The following DCTN4 variants were observed in gnomAD, a reference collection of about 807,000 sequenced individuals.
DCTN4 encodes the protein dynactin 4 (p62).
In DCTN4, 23 loss-of-function variants were observed where a neutral mutation model predicts 62.7. The observed-to-expected ratio is 0.37, with a 90% CI of 0.26 to 0.52. DCTN4 has a LOEUF of 0.52. Among genes scored for constraint, DCTN4 ranks in the 20% least tolerant of loss-of-function variants. The pLI is 0.92. For missense variants in DCTN4, 514 were observed against 580.4 expected (o/e 0.89, Z 1.18); for synonymous variants, 199 against 202.1 (o/e 0.98, Z 0.13).
intron 9 of DCTN4, among the ~76,000 whole-genome samples, chr5:150,721,193 CT>C (rs538835927): frequency 1.1e-3 from 172 of 152,300 alleles, no homozygotes; most frequent in Non-Finnish European, 2.1e-3. Context: ...ACTTCCCAAC[CT>C]TTTTGTTTCC....
rs988052060 is a variant in DCTN4 at position 150,729,105 on chromosome 5, G to A, written c.834+1526C>T. ...AGACAGGGTCTCACTATGTTGCCTA[G>A]GCTGATCTCAAACTCCTGGGCTCAA... is the stretch of plus-strand genomic sequence containing the variant. On this transcript the variant is annotated intron_variant, in intron 8 of 12. Coordinates refer to ENST00000447998, the MANE Select transcript of DCTN4 (RefSeq NM_016221.4). Among the ~76,000 whole-genome samples, 4 of 124,616 alleles carry A rather than the reference G, an allele frequency of 3.2e-5. No individual in the cohort carries two copies. The Admixed American group carries it at 4.2e-4, about 13-fold the overall frequency. The allele number at this position is 124,616 out of a possible 152,430, so 81.8% of individuals were successfully genotyped here.
Position 150,731,192 on chromosome 5 carries a change from A to G in DCTN4, c.612-36T>C, listed in dbSNP as rs200122349. ...AAAAAAACAAAACAAAACAAAACAA[A>G]AGAGTAATTTCTCACGGATCCACCT... On this transcript the variant is annotated intron_variant, in intron 6 of 12. Transcript: ENST00000447998. 5.0e-6 allele frequency: 7 copies of G among 1,405,080 alleles called. No individual in the cohort carries two copies. In the Admixed American group the frequency reaches 1.0e-4, roughly 21 times the overall value. 87.0% of individuals were successfully genotyped at this position (1,405,080 alleles called of 1,614,324 possible).
chr5:150,729,080 A>T, intron 8 of DCTN4, among the ~76,000 whole-genome samples: 1 of 81,024 alleles, frequency 1.2e-5, no homozygotes, highest in Non-Finnish European at 2.0e-5. Flanking sequence ...TTTTTGGTAG[A>T]GACAGGGTCT....
At chr5:150,736,981 A>C (rs897163428) in intron 4 of DCTN4, among the ~76,000 whole-genome samples, 1 of 152,202 alleles carries the variant, frequency 6.6e-6, no homozygotes, top group Non-Finnish European at 1.5e-5. Context: ...ATATCAGACA[A>C]AACAGACTTT....
chr5:150,758,938 T>C lies in DCTN4; in HGVS notation c.56A>G (p.Lys19Arg). The C allele has an allele frequency of 6.2e-7, 1 of 1,614,040 alleles. No individual in the cohort carries two copies. The highest frequency in any genetic ancestry group is 8.5e-7 in the Non-Finnish European group (1 of 1,179,994). ...GAGTTGCGAGAGCGGGGCCCGAACC[T>C]TCTTTTCTCCCTGGACTAGATAGAG... ...RVLYLVQGEK[K>R]VRAPLSQLYF... Residue 19 changes from lysine (K) to arginine (R), a missense_variant, in exon 1 of 13, where the codon AAG becomes AGG. Physicochemically the swap from Lys to Arg is conservative, Grantham distance 26. Coordinates refer to ENST00000447998, the MANE Select transcript of DCTN4 (RefSeq NM_016221.4).
Position 150,711,378 on chromosome 5 carries a change from AAAGC to A in DCTN4, c.1170-20_1170-17del. 1 of 1,606,792 alleles carries A rather than the reference AAAGC, an allele frequency of 6.2e-7. No individual in the cohort carries two copies. Among genetic ancestry groups the A allele is most frequent in the Non-Finnish European group, 8.5e-7 (1 of 1,175,214 alleles). On this transcript the variant is annotated splice_polypyrimidine_tract_variant and intron_variant, in intron 12 of 12. Transcript: ENST00000447998. ...GGCTATAATGCTATGGAAAGAAAAAAAAGCAAGTATTAGGTAGATAAAAAAATCA... is the reference window on the plus strand; with the variant it reads ...GGCTATAATGCTATGGAAAGAAAAAAAAGTATTAGGTAGATAAAAAAATCA...
At chr5:150,740,952 A>G (rs1296182318) in intron 4 of DCTN4, among the ~76,000 whole-genome samples, 1 of 152,204 alleles carries the variant, frequency 6.6e-6, no homozygotes, top group African/African-American at 2.4e-5. Context: ...TACAGTGTAC[A>G]CTGCTCAGGT....
intron 8 of DCTN4, among the ~76,000 whole-genome samples, chr5:150,727,188 T>C (rs1454040714): frequency 6.6e-6 from 1 of 152,098 alleles, no homozygotes; most frequent in East Asian, 1.9e-4. Context: ...CTAAAAACAA[T>C]CCAGTAAATG....
chr5:150,723,030 G>T, intron 8 of DCTN4, 50 bp from the exon 9 acceptor site: 2 of 1,371,720 alleles, frequency 1.5e-6, no homozygotes, highest in Non-Finnish European at 2.1e-6. Context: ...AACACACTTT[G>T]TTGATCCATA....
In DCTN4 at chr5:150,753,358, A is replaced by T; in HGVS notation, c.385+121T>A. On this transcript the variant is annotated intron_variant, in intron 3 of 12. Transcript: ENST00000447998. ...GAACATATGGGAACACAGAAGAGTT[A>T]ATGACAAAATATTCTGAATTTAGCT... is the stretch of plus-strand genomic sequence containing the variant. 3.8e-6 allele frequency: 3 copies of T among 790,970 alleles called. No individual in the cohort carries two copies. The Admixed American group carries it at 8.2e-5, about 22-fold the overall frequency. 49.0% of individuals were successfully genotyped at this position (790,970 alleles called of 1,614,324 possible). A position where few individuals can be genotyped will look rare whatever the true frequency, so the allele number is the denominator to read the frequency against.
At position 150,718,268 on chromosome 5, in the gene DCTN4, G is replaced by T; in HGVS notation, c.1071+8C>A. The T allele has an allele frequency of 1.9e-6, 3 of 1,602,772 alleles. No homozygotes were observed. The highest frequency in any genetic ancestry group is 2.6e-6 in the Non-Finnish European group (3 of 1,170,774). On this transcript the variant is annotated splice_region_variant and intron_variant, in intron 11 of 12. Coordinates refer to ENST00000447998, the MANE Select transcript of DCTN4 (RefSeq NM_016221.4). ...CGGGTCAGTCAGGCTGAGGCAAAAT[G>T]CTCCTACCTTAGCAGTGCTGTTGAT...
Position 150,756,492 on chromosome 5 carries a change from G to A in DCTN4, c.136-5C>T. On this transcript the variant is annotated splice_polypyrimidine_tract_variant and splice_region_variant and intron_variant, in intron 1 of 12. Coordinates refer to ENST00000447998, the MANE Select transcript of DCTN4 (RefSeq NM_016221.4). ...GGGACAATAATGGGAGTCCACCTAG[G>A]AGGAAACAAGAAAGAAAAAAAAAAC... is the stretch of plus-strand genomic sequence containing the variant. The A allele has an allele frequency of 1.3e-6, 2 of 1,576,768 alleles. No homozygotes were observed. The highest frequency in any genetic ancestry group is 1.2e-5 in the South Asian group (1 of 83,932).
chr5:150,751,453 T>C (rs552557488), intron 3 of DCTN4, among the ~76,000 whole-genome samples: 7 of 152,128 alleles, frequency 4.6e-5, no homozygotes, highest in Non-Finnish European at 1.0e-4. Flanking sequence ...AGAAATCTAC[T>C]TGGATTTCCG....
At chr5:150,715,715 A>G in intron 11 of DCTN4, 53 bp from the exon 12 acceptor site, 1 of 1,416,634 alleles carries the variant, frequency 7.1e-7, no homozygotes, top group East Asian at 2.3e-5. Context: ...GTGACAGAAT[A>G]TAGCAAAGTA....
At chr5:150,741,039 A>G (rs1043077118) in intron 4 of DCTN4, among the ~76,000 whole-genome samples, 2 of 151,644 alleles carry the variant, frequency 1.3e-5, no homozygotes, top group Admixed American at 1.3e-4. Context: ...TTCCCCAAAA[A>G]CCTATTTTTT....
Position 150,711,119 on chromosome 5 carries a change from C to T in DCTN4, c.*30G>A, listed in dbSNP as rs765807312. On this transcript the variant is annotated 3_prime_UTR_variant, in exon 13 of 13. Transcript: ENST00000447998. ...TAACGCAGGTTTACGGTGATACTGT[C>T]CTTTGGGATCTGCCCTCCAGTGGAA... The T allele has an allele frequency of 7.5e-6, 12 of 1,599,864 alleles. No individual in the cohort carries two copies. Among genetic ancestry groups the T allele is most frequent in the Middle Eastern group, 2.3e-4 (1 of 4,426 alleles).
rs1313013205 is a variant in DCTN4 at position 150,758,996 on chromosome 5, T to G, written c.-3A>C. ...TCCGACTGCAGCAAGGACGCCATCT[T>G]GGGGAGGGAGGAGGCGATGACGCTC... is the stretch of plus-strand genomic sequence containing the variant. On this transcript the variant is annotated 5_prime_UTR_variant, in exon 1 of 13. Coordinates refer to ENST00000447998, the MANE Select transcript of DCTN4 (RefSeq NM_016221.4). 1 of 1,613,480 alleles carries G rather than the reference T, an allele frequency of 6.2e-7. No homozygotes were observed. Among genetic ancestry groups the G allele is most frequent in the Admixed American group, 1.7e-5 (1 of 59,978 alleles).
At chr5:150,758,680 C>G (rs1437985506) in intron 1 of DCTN4, 179 bp downstream of exon 1, 16 of 1,294,502 alleles carry the variant, frequency 1.2e-5, no homozygotes, top group African/African-American at 3.0e-5. Context: ...CCACCCGAGG[C>G]TGCTCCTCCT....
intron 8 of DCTN4, among the ~76,000 whole-genome samples, chr5:150,730,423 A>T (rs1171612751): frequency 6.6e-6 from 1 of 152,258 alleles, no homozygotes; most frequent in Non-Finnish European, 1.5e-5. Flanking sequence ...TTTGTAAAAC[A>T]GGTTTAACAG....
Sources: gnomAD v4.1 joint callset for allele counts (sites outside exome capture counted in the v4.1 genomes callset) on GRCh38, gnomAD v4.1.1 for gene constraint, MANE v1.5 for transcripts, NCBI Gene and HGNC (gene_info 2026-07-23, HGNC 2026-07-21) for gene names.